AKAP12: variants seen among roughly 807,000 people sequenced by gnomAD.
AKAP12 encodes the protein A-kinase anchor protein 12.
In AKAP12, 32 loss-of-function variants were observed where a neutral mutation model predicts 79.9. The ratio of observed to expected loss-of-function variants is 0.40; its 90% CI spans 0.30 to 0.54. The LOEUF (loss-of-function observed/expected upper bound fraction) is 0.54, where lower values mean the gene tolerates loss of function less well. Among genes scored for constraint, AKAP12 ranks in the 20% least tolerant of loss-of-function variants. The pLI, the probability that AKAP12 is intolerant of heterozygous loss-of-function variation, is 0.48. For missense variants in AKAP12, 2,074 were observed against 2,177.0 expected, an observed-to-expected ratio of 0.95 and a Z score of 0.94; for synonymous variants, 808 against 857.0, an observed-to-expected ratio of 0.94 and a Z score of 1.00.
chr6:151,267,745 C>G (rs1776078546), intron 2 of AKAP12, among the ~76,000 whole-genome samples: 1 of 152,162 alleles, frequency 6.6e-6, no homozygotes, highest in Admixed American at 6.5e-5. Context: ...AAAAAGACAC[C>G]ATCGCTATGT....
intron 3 of AKAP12, among the ~76,000 whole-genome samples, chr6:151,333,604 A>G (rs745980028): frequency 2.0e-5 from 3 of 151,912 alleles, no homozygotes; most frequent in Non-Finnish European, 2.9e-5. Context: ...TTAGCTGGGC[A>G]TGGTGGCGGG....
chr6:151,280,095 C>T (rs567467049), intron 2 of AKAP12, among the ~76,000 whole-genome samples: 3 of 150,370 alleles, frequency 2.0e-5, no homozygotes, highest in Non-Finnish European at 4.4e-5. Context: ...GCCTTTTTCA[C>T]TCAATAGGAA....
At position 151,351,775 on chromosome 6, in the gene AKAP12, G is replaced by C. The variant is rs763796064; in HGVS notation, c.3384G>C (p.Glu1128Asp). ...TTGAAAAAGCTCCTCAAGTCACAGA[G>C]AGCATAGAGTCCAGTGAGCTTGTAA... Reference protein sequence around the residue: ...ESFEKAPQVTESIESSELVTT... With the variant: ...ESFEKAPQVTDSIESSELVTT... Residue 1128 changes from glutamate to aspartate, a missense_variant, in exon 4 of 5, where the codon GAG (glutamate) becomes GAC (aspartate). Physicochemically the swap from Glu to Asp is conservative, Grantham distance 45. Around this residue, in one of 3 missense-constraint regions of AKAP12, gnomAD observed 1,428 missense variants for 1,451.0 expected, o/e 0.98. Coordinates refer to ENST00000402676, the MANE Select transcript of AKAP12 (RefSeq NM_005100.4). The surrounding 1 kb of genome is among the most constrained non-coding windows in gnomAD (Gnocchi z 4.4). 2.5e-6 allele frequency: 4 copies of C among 1,614,150 alleles called. No individual in the cohort carries two copies. Among genetic ancestry groups the C allele is most frequent in the Admixed American group, 1.7e-5 (1 of 60,020 alleles).
intron 3 of AKAP12, among the ~76,000 whole-genome samples, chr6:151,307,592 C>T (rs1344335575): frequency 1.3e-5 from 2 of 152,134 alleles, no homozygotes; most frequent in Non-Finnish European, 2.9e-5. Context: ...GGCAGGGACA[C>T]AGTTTTTTTC....
Position 151,268,499 on chromosome 6 carries a change from A to G in AKAP12, c.162+27775A>G, listed in dbSNP as rs117322151. Among the ~76,000 whole-genome samples the G allele has an allele frequency of 8.1e-4, 124 of 152,354 alleles. No homozygotes were observed. In the East Asian group the frequency reaches 0.023, roughly 28 times the overall value. On this transcript the variant is annotated intron_variant, in intron 2 of 4. Coordinates refer to ENST00000402676, the MANE Select transcript of AKAP12 (RefSeq NM_005100.4). ...GGCAAAAATAACACTTGGCAGCTAT[A>G]TAAAACTAGATTTAGCATGAATCTG...
Position 151,286,477 on chromosome 6 carries a change from A to ATGGGGCGTCGGC in AKAP12, c.163-19268_163-19257dup, listed in dbSNP as rs1776507284. 2.0e-5 allele frequency among the ~76,000 whole-genome samples: 3 copies of ATGGGGCGTCGGC among 152,354 alleles called. No homozygotes were observed. The East Asian group carries it at 5.8e-4, about 29-fold the overall frequency. ...ATGAGGAAGCGCCAACCCTCGCTGG[A>ATGGGGCGTCGGC]TGGGGCGTCGGCTTGCATTCTTCGG... is the stretch of plus-strand genomic sequence containing the variant. On this transcript the variant is annotated intron_variant, in intron 2 of 4. Transcript: ENST00000402676.
intron 2 of AKAP12, among the ~76,000 whole-genome samples, chr6:151,244,873 C>T (rs1044457727): frequency 5.3e-5 from 8 of 152,150 alleles, no homozygotes; most frequent in African/African-American, 1.2e-4. Context: ...CTGCAGGAAT[C>T]GCAGGGCTTC....
chr6:151,293,874 A>G (rs544283071), intron 2 of AKAP12, among the ~76,000 whole-genome samples: 1 of 152,212 alleles, frequency 6.6e-6, no homozygotes, highest in African/African-American at 2.4e-5. Flanking sequence ...GATAGATCAT[A>G]TCATGGATCC....
At chr6:151,275,984 C>G (rs1289110217) in intron 2 of AKAP12, among the ~76,000 whole-genome samples, 1 of 152,118 alleles carries the variant, frequency 6.6e-6, no homozygotes, top group South Asian at 2.1e-4. Flanking sequence ...GAAAGAAAAT[C>G]GCTGGTAAAT....
Position 151,291,254 on chromosome 6 carries a change from C to T in AKAP12, c.163-14493C>T, listed in dbSNP as rs75173236. On this transcript the variant is annotated intron_variant, in intron 2 of 4. Transcript: ENST00000402676. ...TGACTTAATTGGGTTAGGATATAAC[C>T]ACAACAACAGCCCCACAAAAGTATT... 1.4e-4 allele frequency among the ~76,000 whole-genome samples: 22 copies of T among 152,192 alleles called. No individual in the cohort carries two copies. In the East Asian group the frequency reaches 4.2e-3, roughly 29 times the overall value.
chr6:151,256,903 C>T (rs950545245), intron 2 of AKAP12, among the ~76,000 whole-genome samples: 6 of 149,236 alleles, frequency 4.0e-5, no homozygotes, highest in Admixed American at 2.7e-4. Context: ...CCTGCCTCGG[C>T]CTCCCAACGT....
intron 3 of AKAP12, among the ~76,000 whole-genome samples, chr6:151,327,184 C>T (rs1777551389): frequency 6.6e-6 from 1 of 151,044 alleles, no homozygotes; most frequent in African/African-American, 2.4e-5. Context: ...TGCAACTGCT[C>T]CTGCAAAGCC....
intron 2 of AKAP12, among the ~76,000 whole-genome samples, chr6:151,240,929 G>C (rs1232885484): frequency 2.6e-5 from 4 of 152,200 alleles, no homozygotes; most frequent in African/African-American, 7.2e-5. Flanking sequence ...GAGCGCGGCG[G>C]GGGGCTTGCA....
At chr6:151,286,607 A>G (rs934743833) in intron 2 of AKAP12, among the ~76,000 whole-genome samples, 2 of 152,220 alleles carry the variant, frequency 1.3e-5, no homozygotes, top group Admixed American at 6.5e-5. Context: ...GAAATCATTT[A>G]GTTTGCTTAC....
chr6:151,272,246 T>C (rs2473604), intron 2 of AKAP12, among the ~76,000 whole-genome samples: 58,346 of 150,630 alleles, frequency 0.39, 12,187 homozygotes, highest in African/African-American at 0.55. Flanking sequence ...TTAGGAGGAC[T>C]AGGTGGAAGG....
At chr6:151,341,064 T>C (rs1209106102) in intron 3 of AKAP12, among the ~76,000 whole-genome samples, 3 of 151,464 alleles carry the variant, frequency 2.0e-5, no homozygotes, top group African/African-American at 4.9e-5. Flanking sequence ...TTTCTTTTTT[T>C]TTTTTTTGAC....
chr6:151,255,319 C>T (rs745376158), intron 2 of AKAP12, among the ~76,000 whole-genome samples: 1 of 152,064 alleles, frequency 6.6e-6, no homozygotes, highest in Non-Finnish European at 1.5e-5. Context: ...GCATGCACCA[C>T]CACGCCGGCT....
chr6:151,301,311 A>G (rs1236445461), intron 2 of AKAP12, among the ~76,000 whole-genome samples: 2 of 152,206 alleles, frequency 1.3e-5, no homozygotes, highest in South Asian at 2.1e-4. Context: ...AAATGTACCC[A>G]CAATGTATGA....
chr6:151,350,884 AGGGCCAACAG>A lies in AKAP12; in HGVS notation c.2502_2511del (p.Gly835LysfsTer18). The stretch of plus-strand genomic sequence containing the variant: ...AAGAACAAGCCCCTGTTGAAGACGC[AGGGCCAACAG>A]GGGCCAACGAAGATGACTCTGATGT... On this transcript the variant is annotated frameshift_variant, in exon 4 of 5. Coordinates refer to ENST00000402676, the MANE Select transcript of AKAP12 (RefSeq NM_005100.4). LOFTEE classifies it high-confidence loss of function. This position sits in a 1 kb window ranked among gnomAD's most constrained non-coding sequence, Gnocchi z 4.8. 1.2e-6 allele frequency: 2 copies of A among 1,614,152 alleles called. No individual in the cohort carries two copies. The highest frequency in any genetic ancestry group is 1.7e-6 in the Non-Finnish European group (2 of 1,180,030).
Sources: allele counts gnomAD v4.1 joint callset (sites outside exome capture counted in the v4.1 genomes callset), GRCh38; gene constraint gnomAD v4.1.1; regional missense constraint gnomAD v4.1.1; non-coding constraint Gnocchi (gnomAD v3.1); transcripts MANE v1.5; gene names NCBI Gene and HGNC (gene_info 2026-07-23, HGNC 2026-07-21).